The following CDK14 variants were observed in gnomAD, a reference collection of about 807,000 sequenced individuals.
CDK14 encodes the protein cyclin-dependent kinase 14.
In CDK14, 34 loss-of-function variants were observed where a neutral mutation model predicts 60.7. That is an observed-to-expected ratio of 0.56 (90% CI 0.43 to 0.75). The LOEUF (loss-of-function observed/expected upper bound fraction) is 0.75, where lower values mean the gene tolerates loss of function less well. Among genes scored for constraint, CDK14 ranks in the 30% least tolerant of loss-of-function variants. CDK14 has a pLI of 0.00. For missense variants in CDK14, 482 were observed against 564.1 expected (o/e 0.85, Z 1.47); for synonymous variants, 197 against 203.7 (o/e 0.97, Z 0.28).
chr7:90,844,616 T>C (rs1313974623), intron 5 of CDK14, among the ~76,000 whole-genome samples: 1 of 152,196 alleles, frequency 6.6e-6, no homozygotes, highest in African/African-American at 2.4e-5. Context: ...AAAAAGCTGG[T>C]AGGAATGATC....
intron 5 of CDK14, among the ~76,000 whole-genome samples, chr7:90,862,134 A>G (rs188984087): frequency 1.4e-4 from 22 of 152,350 alleles, no homozygotes; most frequent in African/African-American, 5.0e-4. Context: ...AGTGAAGACT[A>G]AATTGCAAGG....
At chr7:90,698,807 C>G (rs910822070) in intron 2 of CDK14, among the ~76,000 whole-genome samples, 12 of 152,178 alleles carry the variant, frequency 7.9e-5, no homozygotes, top group Non-Finnish European at 1.3e-4. Context: ...AAACTCTTGT[C>G]ACCTTTCTAA....
intron 8 of CDK14, among the ~76,000 whole-genome samples, chr7:90,949,425 C>G (rs910001497): frequency 6.6e-6 from 1 of 152,042 alleles, no homozygotes; most frequent in Non-Finnish European, 1.5e-5. Context: ...TGGTCTTGAC[C>G]TCCTAACCTC....
Position 90,596,519 on chromosome 7 carries a change from G to A in CDK14, c.-109G>A. The A allele has an allele frequency of 1.2e-6, 1 of 839,370 alleles. No individual in the cohort carries two copies. The highest frequency in any genetic ancestry group is 1.9e-6 in the Non-Finnish European group (1 of 515,848). The allele number at this position is 839,370 out of a possible 1,614,324, so 52.0% of individuals were successfully genotyped here. On this transcript the variant is annotated 5_prime_UTR_variant, in exon 1 of 15. Transcript: ENST00000380050. The stretch of plus-strand genomic sequence containing the variant: ...GCGCGTCGCTTCCCGGCCCGCCGAG[G>A]AGGTGGTGGAGGAGGAGGCGCCGCT...
chr7:90,733,168 C>T (rs778251433), intron 3 of CDK14, among the ~76,000 whole-genome samples: 4 of 152,098 alleles, frequency 2.6e-5, no homozygotes, highest in Non-Finnish European at 4.4e-5. Context: ...GTTTCTTAAT[C>T]CTGAGTTCTA....
chr7:91,188,729 A>G lies in CDK14; in HGVS notation c.*29-18436A>G, dbSNP rs200854746. Reference sequence around the variant, plus strand: ...AAACTAGTCATTGGATTAAGAAAGTAATTCCATTGCCTTATTACCAATGTT... The same window carrying G: ...AAACTAGTCATTGGATTAAGAAAGTGATTCCATTGCCTTATTACCAATGTT... On this transcript the variant is annotated intron_variant, in intron 14 of 14. Transcript: ENST00000380050. 9.2e-5 allele frequency among the ~76,000 whole-genome samples: 14 copies of G among 152,344 alleles called. No homozygotes were observed. In the East Asian group the frequency reaches 2.1e-3, roughly 23 times the overall value.
At chr7:90,703,014 G>GTTTT (rs36009289) in intron 2 of CDK14, among the ~76,000 whole-genome samples, 1 of 147,608 alleles carries the variant, frequency 6.8e-6, no homozygotes, top group Admixed American at 6.7e-5. Context: ...TGTTGTTGTT[G>GTTTT]TTTTGTTTTT....
chr7:90,980,249 C>T (rs1038012782), intron 9 of CDK14, among the ~76,000 whole-genome samples: 8 of 152,098 alleles, frequency 5.3e-5, no homozygotes, highest in African/African-American at 1.9e-4. Context: ...CATACTGCAT[C>T]CTGTGACACC....
At chr7:91,138,793 G>A (rs1014964285) in intron 14 of CDK14, among the ~76,000 whole-genome samples, 1 of 151,934 alleles carries the variant, frequency 6.6e-6, no homozygotes, top group Non-Finnish European at 1.5e-5. Flanking sequence ...ATGGGAGATT[G>A]TAAGGATATA....
At chr7:90,641,045 C>T (rs575553033) in intron 2 of CDK14, among the ~76,000 whole-genome samples, 2 of 150,782 alleles carry the variant, frequency 1.3e-5, no homozygotes, top group East Asian at 3.9e-4. Context: ...CCATCACGAG[C>T]TACCACTTCA....
intron 2 of CDK14, among the ~76,000 whole-genome samples, chr7:90,613,671 A>G (rs1021927007): frequency 3.9e-5 from 6 of 151,980 alleles, no homozygotes; most frequent in Non-Finnish European, 8.8e-5. Flanking sequence ...TGGGTGACAG[A>G]GCGAGACTCT....
At chr7:90,849,465 A>G (rs1790571666) in intron 5 of CDK14, among the ~76,000 whole-genome samples, 1 of 152,016 alleles carries the variant, frequency 6.6e-6, no homozygotes. Context: ...ACTTTATCTT[A>G]TCTTGGACAA....
intron 2 of CDK14, among the ~76,000 whole-genome samples, chr7:90,660,783 G>GCTCT (rs1472474576): frequency 6.6e-6 from 1 of 152,172 alleles, no homozygotes; most frequent in African/African-American, 2.4e-5. Context: ...ATGCTCTGTA[G>GCTCT]CTCTGACTTT....
intron 10 of CDK14, among the ~76,000 whole-genome samples, chr7:91,024,262 G>A (rs1355402044): frequency 6.6e-6 from 1 of 152,140 alleles, no homozygotes; most frequent in African/African-American, 2.4e-5. Flanking sequence ...CAGTGAGGTA[G>A]GTAGTCTTTG....
intron 14 of CDK14, among the ~76,000 whole-genome samples, chr7:91,203,721 TG>T (rs1802796786): frequency 6.6e-6 from 1 of 152,188 alleles, no homozygotes; most frequent in African/African-American, 2.4e-5. Flanking sequence ...TTAAAGTACA[TG>T]GAAGAAAAAG....
At chr7:90,632,219 A>G in intron 2 of CDK14, 1 of 203,078 alleles carries the variant, frequency 4.9e-6, no homozygotes, top group East Asian at 1.3e-4. Context: ...CATTGGTGGA[A>G]TCATACTGAT....
chr7:91,106,345 C>T (rs1202660654), intron 12 of CDK14, among the ~76,000 whole-genome samples: 4 of 152,130 alleles, frequency 2.6e-5, no homozygotes, highest in Non-Finnish European at 5.9e-5. Context: ...TATACCCAGC[C>T]AACCCATTAT....
chr7:90,700,393 G>A (rs1247942908), intron 2 of CDK14, among the ~76,000 whole-genome samples: 1 of 152,104 alleles, frequency 6.6e-6, no homozygotes, highest in Non-Finnish European at 1.5e-5. Flanking sequence ...TGCCTGGCCT[G>A]ATAAAACACA....
intron 1 of CDK14, 141 bp downstream of exon 1, chr7:90,596,859 T>C (rs1799197775): frequency 7.4e-6 from 5 of 678,840 alleles, no homozygotes; most frequent in Non-Finnish European, 2.6e-6. Flanking sequence ...GGCACAGTGC[T>C]AGGGACCCGG....
Sources: gnomAD v4.1 joint callset for allele counts (sites outside exome capture counted in the v4.1 genomes callset) on GRCh38, gnomAD v4.1.1 for gene constraint, MANE v1.5 for transcripts, NCBI Gene and HGNC (gene_info 2026-07-23, HGNC 2026-07-21) for gene names.